MCTP1: variants seen among roughly 807,000 people sequenced by gnomAD.
The protein encoded by MCTP1 is multiple C2 and transmembrane domain containing 1, also known as multiple C2 and transmembrane domain-containing protein 1.
In MCTP1, 69 loss-of-function variants were observed where a neutral mutation model predicts 120.6. The ratio of observed to expected loss-of-function variants is 0.57; its 90% confidence interval spans 0.47 to 0.70. The LOEUF (loss-of-function observed/expected upper bound fraction) is 0.70, where lower values mean the gene tolerates loss of function less well. Among genes scored for constraint, MCTP1 ranks in the 30% least tolerant of loss-of-function variants. The pLI, the probability that MCTP1 is intolerant of heterozygous loss-of-function variation, is 0.00. For missense variants in MCTP1, 1,203 were observed against 1,248.8 expected (o/e 0.96, Z 0.55); for synonymous variants, 529 against 493.1 (o/e 1.07, Z -0.96).
intron 1 of MCTP1, among the ~76,000 whole-genome samples, chr5:95,114,094 T>G (rs1757646776): frequency 6.6e-6 from 1 of 152,160 alleles, no homozygotes; most frequent in Non-Finnish European, 1.5e-5. Flanking sequence ...GATCATCAAC[T>G]GCTAAATAAA....
intron 17 of MCTP1, among the ~76,000 whole-genome samples, chr5:94,817,048 G>A (rs1784601083): frequency 6.6e-6 from 1 of 152,164 alleles, no homozygotes; most frequent in East Asian, 1.9e-4. Flanking sequence ...GAAGCCCTAT[G>A]TCTTGTTGAA....
At chr5:94,888,833 G>T in intron 12 of MCTP1, 46 bp downstream of exon 12, 2 of 1,161,566 alleles carry the variant, frequency 1.7e-6, no homozygotes, top group Non-Finnish European at 2.6e-6. Flanking sequence ...TGTAGACCTT[G>T]TGTGCTGCTT....
intron 1 of MCTP1, among the ~76,000 whole-genome samples, chr5:95,125,774 A>G (rs1370411727): frequency 6.6e-6 from 1 of 152,244 alleles, no homozygotes; most frequent in Non-Finnish European, 1.5e-5. Context: ...AATGAATGAA[A>G]TCATATACAT....
chr5:94,918,600 G>C (rs1297115170), intron 7 of MCTP1, among the ~76,000 whole-genome samples: 2 of 152,226 alleles, frequency 1.3e-5, no homozygotes, highest in East Asian at 3.9e-4. Context: ...AGCTGAACAG[G>C]AACTCCTGGG....
At chr5:94,883,401 G>A (rs1056387143) in intron 12 of MCTP1, among the ~76,000 whole-genome samples, 10 of 152,096 alleles carry the variant, frequency 6.6e-5, no homozygotes, top group African/African-American at 1.9e-4. Context: ...TACTTTCCTT[G>A]AGGAATGTCC....
At chr5:94,816,644 T>C (rs561842027) in intron 17 of MCTP1, among the ~76,000 whole-genome samples, 11 of 152,266 alleles carry the variant, frequency 7.2e-5, no homozygotes, top group Admixed American at 5.2e-4. Flanking sequence ...TTTTTATTTT[T>C]ATTCCCATAT....
intron 19 of MCTP1, among the ~76,000 whole-genome samples, chr5:94,721,384 T>G (rs1229980114): frequency 6.6e-6 from 1 of 152,210 alleles, no homozygotes; most frequent in Non-Finnish European, 1.5e-5. Flanking sequence ...TGCTGATGTA[T>G]GATTATTGGC....
intron 10 of MCTP1, among the ~76,000 whole-genome samples, chr5:94,908,386 G>C (rs1203092729): frequency 6.6e-6 from 1 of 151,880 alleles, no homozygotes; most frequent in Non-Finnish European, 1.5e-5. Flanking sequence ...AAAATCAAGA[G>C]ATAAATATGT....
intron 1 of MCTP1, among the ~76,000 whole-genome samples, chr5:95,106,943 C>A (rs1757127426): frequency 6.6e-6 from 1 of 152,052 alleles, no homozygotes; most frequent in African/African-American, 2.4e-5. Flanking sequence ...ATAAAATTAT[C>A]TTTGAGAAGC....
intron 19 of MCTP1, among the ~76,000 whole-genome samples, chr5:94,752,962 A>G (rs1057218468): frequency 2.5e-4 from 38 of 152,374 alleles, no homozygotes; most frequent in African/African-American, 8.7e-4. Context: ...GAAAGCCCTC[A>G]TCCAAGTTTT....
chr5:94,721,139 T>C (rs1276684459), intron 19 of MCTP1, among the ~76,000 whole-genome samples: 1 of 152,176 alleles, frequency 6.6e-6, no homozygotes, highest in Non-Finnish European at 1.5e-5. Flanking sequence ...GACACCATAA[T>C]CTAGCCTTGA....
At position 95,041,876 on chromosome 5, in the gene MCTP1, G is replaced by C. The variant is rs185732701; in HGVS notation, c.721-24392C>G. 3.4e-3 allele frequency among the ~76,000 whole-genome samples: 518 copies of C among 152,218 alleles called. 4 individuals carry two copies. The highest frequency in any genetic ancestry group is 0.012 in the African/African-American group (506 of 41,540). On this transcript the variant is annotated intron_variant, in intron 1 of 22. Transcript: ENST00000515393. ...ACATACACTTCTTCATTTTACAGGA[G>C]AATATTATTCATTTCTTTTATTGAA...
intron 18 of MCTP1, chr5:94,788,770 T>TA (rs1778292031): frequency 6.6e-6 from 1 of 151,978 alleles, no homozygotes; most frequent in African/African-American, 2.4e-5. Context: ...ATCGGTAGGA[T>TA]AACACATCCA....
intron 1 of MCTP1, among the ~76,000 whole-genome samples, chr5:95,135,530 G>A (rs1306673546): frequency 6.6e-6 from 1 of 152,178 alleles, no homozygotes; most frequent in Admixed American, 6.5e-5. Flanking sequence ...TCAGTGGGCT[G>A]GGGAAGGCAG....
intron 17 of MCTP1, among the ~76,000 whole-genome samples, chr5:94,852,921 G>A (rs561691072): frequency 6.6e-5 from 10 of 151,900 alleles, no homozygotes; most frequent in African/African-American, 1.4e-4. Flanking sequence ...TAAAAGCTTC[G>A]TGATCTTTGG....
intron 11 of MCTP1, 141 bp downstream of exon 11, chr5:94,894,508 A>G (rs1447286095): frequency 3.7e-6 from 2 of 545,980 alleles, no homozygotes; most frequent in Non-Finnish European, 6.3e-6. Context: ...TCTGTGTGGC[A>G]TTTGTTTTCA....
intron 1 of MCTP1, among the ~76,000 whole-genome samples, chr5:95,036,280 A>G (rs761014348): frequency 2.0e-5 from 3 of 152,198 alleles, no homozygotes; most frequent in Non-Finnish European, 4.4e-5. Context: ...ATGGGAAAAC[A>G]TTTTATTTAA....
chr5:94,823,486 C>T (rs541998033), intron 17 of MCTP1, among the ~76,000 whole-genome samples: 70 of 152,224 alleles, frequency 4.6e-4, no homozygotes, highest in African/African-American at 1.5e-3. Context: ...ATTATGCATC[C>T]GGCTTTGTTC....
At chr5:94,782,154 C>G (rs1561627319) in intron 18 of MCTP1, among the ~76,000 whole-genome samples, 1 of 151,976 alleles carries the variant, frequency 6.6e-6, no homozygotes, top group Non-Finnish European at 1.5e-5. Context: ...TAATACAGTT[C>G]CTGTGTCAAA....
Sources: allele counts gnomAD v4.1 joint callset (sites outside exome capture counted in the v4.1 genomes callset), GRCh38; gene constraint gnomAD v4.1.1; transcripts MANE v1.5; gene names NCBI Gene and HGNC (gene_info 2026-07-23, HGNC 2026-07-21).